Variants in TMEM135 observed in about 807,000 individuals in gnomAD.
TMEM135 encodes the protein transmembrane protein 135, also known as peroxisomal membrane protein 52.
In TMEM135, 30 loss-of-function variants were observed where a neutral mutation model predicts 60.3. The ratio of observed to expected loss-of-function variants is 0.50; its 90% confidence interval spans 0.37 to 0.68. TMEM135 has a LOEUF of 0.68. Ranked by LOEUF, TMEM135 falls within the 30% of genes least tolerant of loss-of-function variation. The probability of loss-of-function intolerance (pLI) is 0.00; values close to 1 mark genes in which losing one functional copy is unlikely to be tolerated. For synonymous variants in TMEM135, 190 were observed against 186.7 expected, an observed-to-expected ratio of 1.02 and a Z score of -0.14; for missense variants, 468 against 548.8, an observed-to-expected ratio of 0.85 and a Z score of 1.47.
At chr11:87,051,352 AT>A (rs1014237339) in intron 1 of TMEM135, among the ~76,000 whole-genome samples, 1 of 32,228 alleles carries the variant, frequency 3.1e-5, no homozygotes, top group Non-Finnish European at 4.6e-5. Context: ...AGGGTATTCA[AT>A]TAGGAAAAGA....
intron 6 of TMEM135, among the ~76,000 whole-genome samples, chr11:87,256,302 G>T (rs1358229639): frequency 1.3e-5 from 2 of 151,992 alleles, no homozygotes; most frequent in African/African-American, 4.8e-5. Context: ...TTAGGCTTGA[G>T]ATATAAATAT....
intron 3 of TMEM135, among the ~76,000 whole-genome samples, chr11:87,075,467 T>G (rs1856853014): frequency 6.6e-6 from 1 of 152,188 alleles, no homozygotes; most frequent in African/African-American, 2.4e-5. Context: ...TTTTTTATTT[T>G]TATATTAAGT....
chr11:87,055,117 C>T (rs1016068636), intron 1 of TMEM135, among the ~76,000 whole-genome samples: 4 of 152,106 alleles, frequency 2.6e-5, no homozygotes, highest in Non-Finnish European at 5.9e-5. Flanking sequence ...TGTTACTAGG[C>T]TGTTTACAAG....
chr11:87,101,581 G>A (rs971284292), intron 4 of TMEM135, among the ~76,000 whole-genome samples: 2 of 152,142 alleles, frequency 1.3e-5, no homozygotes, highest in Non-Finnish European at 2.9e-5. Flanking sequence ...TACATGTAAT[G>A]TATGTTAGCA....
At chr11:87,084,951 G>A (rs982214115) in intron 3 of TMEM135, among the ~76,000 whole-genome samples, 1 of 152,270 alleles carries the variant, frequency 6.6e-6, no homozygotes, top group South Asian at 2.1e-4. Context: ...CATTGTATTA[G>A]CCATGTTTTA....
intron 6 of TMEM135, among the ~76,000 whole-genome samples, chr11:87,265,852 A>G (rs190989166): frequency 6.6e-6 from 1 of 152,124 alleles, no homozygotes; most frequent in South Asian, 2.1e-4. Context: ...TCAATTTCTT[A>G]TTGAGAATCT....
At chr11:87,149,911 C>T (rs896343424) in intron 4 of TMEM135, among the ~76,000 whole-genome samples, 10 of 152,106 alleles carry the variant, frequency 6.6e-5, no homozygotes, top group Admixed American at 1.3e-4. Context: ...TAAATATTTA[C>T]ATGTAGTTTA....
intron 4 of TMEM135, among the ~76,000 whole-genome samples, chr11:87,097,859 A>G (rs1857366606): frequency 6.6e-6 from 1 of 152,222 alleles, no homozygotes; most frequent in Non-Finnish European, 1.5e-5. Context: ...TATCTCACAT[A>G]GTAACAGTCA....
chr11:87,104,498 G>A (rs1309561530), intron 4 of TMEM135, among the ~76,000 whole-genome samples: 1 of 152,138 alleles, frequency 6.6e-6, no homozygotes, highest in African/African-American at 2.4e-5. Context: ...AGTAAGGATT[G>A]CATTGAATCT....
At chr11:87,248,798 T>A (rs1941351972) in intron 6 of TMEM135, among the ~76,000 whole-genome samples, 1 of 152,110 alleles carries the variant, frequency 6.6e-6, no homozygotes, top group South Asian at 2.1e-4. Flanking sequence ...TGCATCAGTG[T>A]TTTATAGTTT....
At chr11:87,193,030 A>G (rs1939851204) in intron 5 of TMEM135, among the ~76,000 whole-genome samples, 1 of 152,090 alleles carries the variant, frequency 6.6e-6, no homozygotes, top group Admixed American at 6.5e-5. Context: ...CAGGAGAATC[A>G]CTTGAACCTG....
chr11:87,164,346 T>TGTAGATATGCGGCGTTA (rs1938977832), intron 5 of TMEM135, among the ~76,000 whole-genome samples: 1 of 105,766 alleles, frequency 9.5e-6, no homozygotes, highest in Non-Finnish European at 1.8e-5. Context: ...ATCAGATAGT[T>TGTAGATATGCGGCGTTA]GTAGATATGC....
intron 5 of TMEM135, among the ~76,000 whole-genome samples, chr11:87,198,949 A>T (rs1488939084): frequency 6.6e-6 from 1 of 152,168 alleles, no homozygotes; most frequent in Non-Finnish European, 1.5e-5. Context: ...TTATATTTTA[A>T]ATCTATGCAG....
At chr11:87,282,550 G>A (rs1032565538) in intron 6 of TMEM135, among the ~76,000 whole-genome samples, 2 of 152,226 alleles carry the variant, frequency 1.3e-5, no homozygotes, top group African/African-American at 4.8e-5. Context: ...ACAGGCGTGA[G>A]CCACCGCATC....
intron 6 of TMEM135, among the ~76,000 whole-genome samples, chr11:87,264,604 T>C (rs1423600611): frequency 2.0e-5 from 3 of 151,932 alleles, no homozygotes; most frequent in Non-Finnish European, 4.4e-5. Flanking sequence ...CAGATATGTA[T>C]TGAAGACTTA....
At chr11:87,068,666 C>A (rs1856713053) in intron 2 of TMEM135, among the ~76,000 whole-genome samples, 1 of 151,898 alleles carries the variant, frequency 6.6e-6, no homozygotes, top group South Asian at 2.1e-4. Flanking sequence ...AAAAAATTAG[C>A]CGGGCGTGGT....
At chr11:87,046,226 G>A (rs575074548) in intron 1 of TMEM135, among the ~76,000 whole-genome samples, 1 of 152,194 alleles carries the variant, frequency 6.6e-6, no homozygotes, top group East Asian at 1.9e-4. Flanking sequence ...GTCAAATGCT[G>A]AAACCCCTCC....
At chr11:87,059,981 G>T (rs1158809816) in intron 1 of TMEM135, among the ~76,000 whole-genome samples, 1 of 152,160 alleles carries the variant, frequency 6.6e-6, no homozygotes, top group Non-Finnish European at 1.5e-5. Flanking sequence ...GGGTGCAGTG[G>T]CACATGCCTG....
chr11:87,284,777 TTTC>T (rs1302070457), intron 6 of TMEM135, among the ~76,000 whole-genome samples: 1 of 152,244 alleles, frequency 6.6e-6, no homozygotes, highest in East Asian at 1.9e-4. Flanking sequence ...CTTCCCCAAA[TTTC>T]TTAATTTCTT....
Sources: gnomAD v4.1 joint callset for allele counts (sites outside exome capture counted in the v4.1 genomes callset) on GRCh38, gnomAD v4.1.1 for gene constraint, MANE v1.5 for transcripts, NCBI Gene and HGNC (gene_info 2026-07-23, HGNC 2026-07-21) for gene names.